The following MRI1 variants were observed in gnomAD, a reference collection of about 807,000 sequenced individuals.
MRI1 encodes methylthioribose-1-phosphate isomerase 1, also known as methylthioribose-1-phosphate isomerase.
In MRI1, 32 loss-of-function variants were observed where a neutral mutation model predicts 27.3. The observed-to-expected ratio is 1.17, with a 90% CI of 0.88 to 1.57. The LOEUF is 1.57. MRI1 is among the 40% of genes most tolerant of loss of function. The pLI is 0.00. For missense variants in MRI1, 508 were observed against 516.1 expected (o/e 0.98, Z 0.15); for synonymous variants, 216 against 227.4 (o/e 0.95, Z 0.45).
At chr19:13,769,161 T>G in intron 5 of MRI1, 113 bp downstream of exon 5, 1 of 862,400 alleles carries the variant, frequency 1.2e-6, no homozygotes, top group Non-Finnish European at 1.8e-6. Flanking sequence ...TACAAGCCAC[T>G]TTTTCTTTTT....
Position 13,774,113 on chromosome 19 carries a change from C to A in MRI1, c.*1832C>A. ...TTGGATATTAAAATATTTTTTAAGTCTTGAAAATATTGTTTACTATTACCA... is the reference window on the plus strand; with the variant it reads ...TTGGATATTAAAATATTTTTTAAGTATTGAAAATATTGTTTACTATTACCA... On this transcript the variant is annotated 3_prime_UTR_variant, in exon 6 of 6. Coordinates refer to ENST00000040663, the MANE Select transcript of MRI1 (RefSeq NM_001031727.4). 1 of 189,926 alleles carries A rather than the reference C, an allele frequency of 5.3e-6. No individual in the cohort carries two copies. The highest frequency in any genetic ancestry group is 5.6e-5 in the Admixed American group (1 of 17,720). The allele number at this position is 189,926 out of a possible 1,614,324, so 11.8% of individuals were successfully genotyped here. A position where few individuals can be genotyped will look rare whatever the true frequency, so the allele number is the denominator to read the frequency against.
At chr19:13,768,464 C>G (rs758722180) in intron 3 of MRI1, 97 bp from the exon 4 acceptor site, 49 of 1,576,600 alleles carry the variant, frequency 3.1e-5, no homozygotes, top group Non-Finnish European at 4.0e-5. Flanking sequence ...CTTTGGCAAT[C>G]CACGCCCAGA....
intron 5 of MRI1, among the ~76,000 whole-genome samples, chr19:13,770,014 T>C (rs915393648): frequency 6.6e-6 from 1 of 152,156 alleles, no homozygotes; most frequent in African/African-American, 2.4e-5. Context: ...TTCCCCAGGC[T>C]GGTCTCAAAC....
At position 13,765,016 on chromosome 19, in the gene MRI1, C is replaced by T. The variant is rs1364839886; in HGVS notation, c.278C>T (p.Ala93Val). The T allele has an allele frequency of 6.5e-7, 1 of 1,526,790 alleles. No individual in the cohort carries two copies. The highest frequency in any genetic ancestry group is 1.2e-5 in the South Asian group (1 of 82,638). The allele number at this position is 1,526,790 out of a possible 1,614,324, so 94.6% of individuals were successfully genotyped here. A position where few individuals can be genotyped will look rare whatever the true frequency, so the allele number is the denominator to read the frequency against. Residue 93 changes from alanine to valine, a missense_variant, in exon 2 of 6, where the codon GCT becomes GTT. Physicochemically the swap from Ala to Val is moderately conservative, Grantham distance 64. Transcript: ENST00000040663. ...LSFLVTARPT[A>V]VNMARAARDL... is the part of the protein sequence containing the mutation. ...TTCCTCGTCACCGCCCGGCCCACCG[C>T]TGTCAACATGGCCCGCGCCGCCCGC...
intron 3 of MRI1, 54 bp downstream of exon 3, chr19:13,766,183 T>C (rs897181460): frequency 3.4e-6 from 5 of 1,457,650 alleles, no homozygotes; most frequent in Admixed American, 4.9e-5. Context: ...CTTTTTTAGA[T>C]ACAAGAGAAA....
rs138245463 is a variant in MRI1, at chr19:13,773,815, G to A, written c.*1534G>A. ...TGGGATTACAGGAGCCTGGCACTAT[G>A]CCTGGCTAATTTTTGTATTTTTATT... is the stretch of plus-strand genomic sequence containing the variant. On this transcript the variant is annotated 3_prime_UTR_variant, in exon 6 of 6. Transcript: ENST00000040663. The A allele has an allele frequency of 1.4e-3, 215 of 152,426 alleles. No individual in the cohort carries two copies. Among genetic ancestry groups the A allele is most frequent in the Middle Eastern group, 7.8e-3 (3 of 386 alleles). 9.4% of individuals were successfully genotyped at this position (152,426 alleles called of 1,614,324 possible).
At chr19:13,769,138 C>T (rs1411836217) in intron 5 of MRI1, 90 bp downstream of exon 5, 3 of 1,078,274 alleles carry the variant, frequency 2.8e-6, no homozygotes, top group African/African-American at 1.6e-5. Flanking sequence ...CCTTCTGGAA[C>T]ATACACAGCT....
intron 5 of MRI1, among the ~76,000 whole-genome samples, chr19:13,769,688 G>A (rs185361343): frequency 5.3e-5 from 8 of 152,068 alleles, no homozygotes; most frequent in African/African-American, 1.9e-4. Flanking sequence ...TTGGGAGGCC[G>A]AGGCGGGCAG....
At chr19:13,767,172 G>C (rs559420457) in intron 3 of MRI1, among the ~76,000 whole-genome samples, 1 of 149,074 alleles carries the variant, frequency 6.7e-6, no homozygotes, top group East Asian at 2.0e-4. Context: ...TCAGCCTCCT[G>C]AGTGTCTGGG....
intron 3 of MRI1, among the ~76,000 whole-genome samples, chr19:13,767,035 ATATTTTTTTTTTTTTT>A (rs1164020430): frequency 0.015 from 274 of 18,434 alleles, 2 homozygotes; most frequent in African/African-American, 0.076. Flanking sequence ...ATATATATAT[ATATTTTTTTTTTTTTT>A]TTTTTTTTTT....
At chr19:13,767,861 C>CTTTTTTTTTTTTTTTTTTTTTTTTTTT (rs1170108927) in intron 3 of MRI1, among the ~76,000 whole-genome samples, 24 of 61,080 alleles carry the variant, frequency 3.9e-4, no homozygotes, top group African/African-American at 7.0e-4. Context: ...TCTTTCTTTC[C>CTTTTTTTTTTTTTTTTTTTTTTTTTTT]TTTTTTTTTT....
chr19:13,773,630 TTAAAAAAAA>T lies in MRI1; in HGVS notation c.*1350_*1358del, dbSNP rs1974318018. On this transcript the variant is annotated 3_prime_UTR_variant, in exon 6 of 6. Coordinates refer to ENST00000040663, the MANE Select transcript of MRI1 (RefSeq NM_001031727.4). Reference sequence around the variant, plus strand: ...AGCAACAGAGTGAGACCCCATCTCTTTAAAAAAAAAAAAAAATCCATGATGAACAAAACA... The same window carrying T: ...AGCAACAGAGTGAGACCCCATCTCTTAAAAAAATCCATGATGAACAAAACA... 6.8e-6 allele frequency: 1 copy of T among 146,028 alleles called. No homozygotes were observed. Among genetic ancestry groups the T allele is most frequent in the East Asian group, 2.0e-4 (1 of 5,128 alleles). The allele number at this position is 146,028 out of a possible 1,614,324, so 9.0% of individuals were successfully genotyped here.
rs117390228 is a variant in MRI1, at chr19:13,768,747, C to T, written c.724+10C>T. On this transcript the variant is annotated intron_variant, in intron 4 of 5. Transcript: ENST00000040663. ...CATAGGGGCGTGTCAGGTAAGCAGA[C>T]GGTAAGCCCTGGGGGCGGGGCTCTG... The T allele has an allele frequency of 1.7e-3, 2,739 of 1,609,298 alleles. 38 individuals carry two copies. The East Asian group carries it at 0.038, about 23-fold the overall frequency.
chr19:13,770,995 G>A (rs1231758243), intron 5 of MRI1, among the ~76,000 whole-genome samples: 1 of 152,062 alleles, frequency 6.6e-6, no homozygotes, highest in African/African-American at 2.4e-5. Flanking sequence ...GGGAGGCTGA[G>A]GTGGGAGGAT....
At chr19:13,767,021 ATATATATATATATATATTTTTTTTTTT>A (rs1483245295) in intron 3 of MRI1, among the ~76,000 whole-genome samples, 131 of 11,366 alleles carry the variant, frequency 0.012, no homozygotes, top group Admixed American at 0.026. Flanking sequence ...ATATATATAT[ATATATATATATATATATTTTTTTTTTT>A]TTTTTTTTTT....
chr19:13,769,041 AG>A lies in MRI1; in HGVS notation c.943del (p.Ala315HisfsTer39), dbSNP rs752732378. On this transcript the variant is annotated frameshift_variant, in exon 5 of 6. Transcript: ENST00000040663. LOFTEE classifies it high-confidence loss of function. ...CCGATGTTAATGGGGTCCGGATTGC[AG>A]CACCTGGTAAGCTGCCCCCTCAGAA... ...LTDVNGVRIA[A>X]PGIGVWNPAF... 5.0e-6 allele frequency: 8 copies of A among 1,605,836 alleles called. No homozygotes were observed. The Admixed American group carries it at 5.0e-5, about 10-fold the overall frequency.
Position 13,768,998 on chromosome 19 carries a change from G to A in MRI1, c.899G>A (p.Arg300Gln), listed in dbSNP as rs1420052061. 1.3e-5 allele frequency: 21 copies of A among 1,613,696 alleles called. No individual in the cohort carries two copies. Among genetic ancestry groups the A allele is most frequent in the Non-Finnish European group, 1.7e-5 (20 of 1,179,938 alleles). Residue 300 changes from arginine (R) to glutamine (Q), a missense_variant, in exon 5 of 6, where the codon CGA (arginine) becomes CAA (glutamine). Arg to Gln is a conservative substitution (Grantham distance 43, BLOSUM62 1). This residue lies in a region of MRI1 where 457 missense variants were observed against 452.8 expected (regional missense o/e 1.01). Coordinates refer to ENST00000040663, the MANE Select transcript of MRI1 (RefSeq NM_001031727.4). ...GGCAAGGAGATCATTATTGAAGAGC[G>A]ACCGGGCCAGGAGCTGACCGATGTT... is the stretch of plus-strand genomic sequence containing the variant. ...ETGKEIIIEE[R>Q]PGQELTDVNG...
intron 3 of MRI1, among the ~76,000 whole-genome samples, chr19:13,766,405 G>A (rs1399183620): frequency 3.3e-5 from 5 of 152,122 alleles, no homozygotes; most frequent in Non-Finnish European, 7.3e-5. Context: ...CAAATCATGA[G>A]GAAAAGAGCC....
rs750752654 is a variant in MRI1 at position 13,768,695 on chromosome 19, G to C, written c.682G>C (p.Asp228His). 5.0e-6 allele frequency: 8 copies of C among 1,613,942 alleles called. No individual in the cohort carries two copies. The South Asian group carries it at 6.6e-5, about 13-fold the overall frequency. ...GCAGATCCCCGCCACCCTTATCACC[G>C]ACAGCATGGTGGCTGCTGCCATGGC... ...YEQIPATLIT[D>H]SMVAAAMAHR... Residue 228 changes from aspartate (D) to histidine (H), a missense_variant, in exon 4 of 6, where the codon GAC (aspartate) becomes CAC (histidine). By Grantham distance (81) the Asp-to-His change is moderately conservative. Around this residue, in one of 3 missense-constraint regions of MRI1, gnomAD observed 457 missense variants for 452.8 expected, o/e 1.01. Coordinates refer to ENST00000040663, the MANE Select transcript of MRI1 (RefSeq NM_001031727.4).
Sources: gnomAD v4.1 joint callset for allele counts (sites outside exome capture counted in the v4.1 genomes callset) on GRCh38, gnomAD v4.1.1 for gene constraint, gnomAD v4.1.1 regional missense constraint, MANE v1.5 for transcripts, NCBI Gene and HGNC (gene_info 2026-07-23, HGNC 2026-07-21) for gene names.